Variants in ADAMTS9 observed in about 807,000 individuals in gnomAD.
ADAMTS9 encodes the protein A disintegrin and metalloproteinase with thrombospondin motifs 9.
A neutral mutation model predicts 257.1 loss-of-function variants in ADAMTS9; 107 were observed. The ratio of observed to expected loss-of-function variants is 0.42; its 90% CI spans 0.36 to 0.49. ADAMTS9 has a LOEUF of 0.49. ADAMTS9 is among the 20% of genes least tolerant of loss of function. The pLI is 0.03. For missense variants in ADAMTS9, 2,353 were observed against 2,469.1 expected, an observed-to-expected ratio of 0.95 and a Z score of 1.00; for synonymous variants, 982 against 880.9, an observed-to-expected ratio of 1.11 and a Z score of -2.03.
intron 28 of ADAMTS9, among the ~76,000 whole-genome samples, chr3:64,590,958 T>C (rs895026010): frequency 2.0e-5 from 3 of 152,192 alleles, no homozygotes; most frequent in Non-Finnish European, 4.4e-5. Flanking sequence ...AGACTTTTAA[T>C]CTGTGATTAT....
intron 3 of ADAMTS9, among the ~76,000 whole-genome samples, chr3:64,679,812 G>A (rs1576188815): frequency 6.6e-6 from 1 of 152,182 alleles, no homozygotes. Context: ...GGTCTTACTA[G>A]CACGGTCAAA....
At chr3:64,649,984 T>A in intron 9 of ADAMTS9, 1 of 555,164 alleles carries the variant, frequency 1.8e-6, no homozygotes, top group Non-Finnish European at 3.1e-6. Flanking sequence ...ATGCAATGAA[T>A]ACAACATAGC....
At chr3:64,628,559 T>G (rs577796648) in intron 16 of ADAMTS9, among the ~76,000 whole-genome samples, 5 of 152,010 alleles carry the variant, frequency 3.3e-5, no homozygotes. Flanking sequence ...ATTCTGCAGC[T>G]GTGCAAGGAG....
In ADAMTS9 at chr3:64,607,094, A is replaced by G; in HGVS notation, c.3355-15T>C. 6.2e-7 allele frequency: 1 copy of G among 1,613,128 alleles called. No individual in the cohort carries two copies. Among genetic ancestry groups the G allele is most frequent in the Non-Finnish European group, 8.5e-7 (1 of 1,179,596 alleles). On this transcript the variant is annotated splice_polypyrimidine_tract_variant and intron_variant, in intron 22 of 39. Transcript: ENST00000498707. Reference sequence around the variant, plus strand: ...GTGACACTGCACTGGAAGAAGGAGGACAAAAGGTATATACAATTCAGCAAA... The same window carrying G: ...GTGACACTGCACTGGAAGAAGGAGGGCAAAAGGTATATACAATTCAGCAAA...
At chr3:64,600,492 T>A (rs2084440428) in intron 26 of ADAMTS9, among the ~76,000 whole-genome samples, 2 of 152,262 alleles carry the variant, frequency 1.3e-5, no homozygotes, top group Admixed American at 1.3e-4. Flanking sequence ...CTTAAAGGAA[T>A]GCATCATCCC....
chr3:64,565,043 A>G (rs751922132), intron 29 of ADAMTS9, among the ~76,000 whole-genome samples: 73 of 152,160 alleles, frequency 4.8e-4, no homozygotes, highest in Non-Finnish European at 8.7e-4. Flanking sequence ...TGTGGGTGAG[A>G]GGCCTGTCTT....
chr3:64,591,781 C>T (rs1265584685), intron 28 of ADAMTS9, among the ~76,000 whole-genome samples: 1 of 152,198 alleles, frequency 6.6e-6, no homozygotes, highest in Non-Finnish European at 1.5e-5. Context: ...TGCTTCTTGA[C>T]ATCATCTAAT....
At chr3:64,579,412 C>T (rs778298556) in intron 28 of ADAMTS9, among the ~76,000 whole-genome samples, 4 of 152,160 alleles carry the variant, frequency 2.6e-5, no homozygotes, top group Non-Finnish European at 5.9e-5. Context: ...TTCTCACCTA[C>T]TCTTCTACGC....
chr3:64,615,297 G>T, intron 21 of ADAMTS9, 24 bp downstream of exon 21: 1 of 1,610,520 alleles, frequency 6.2e-7, no homozygotes, highest in Non-Finnish European at 8.5e-7. Context: ...TGACCTAGGG[G>T]AAATAACAGC....
intron 12 of ADAMTS9, among the ~76,000 whole-genome samples, chr3:64,638,540 C>G (rs561621071): frequency 6.6e-6 from 1 of 152,148 alleles, no homozygotes; most frequent in Non-Finnish European, 1.5e-5. Flanking sequence ...GAACAAGGGA[C>G]TGTCCTTGTA....
At position 64,550,995 on chromosome 3, in the gene ADAMTS9, T is replaced by A; in HGVS notation, c.4766A>T (p.Glu1589Val). Residue 1589 changes from glutamate (E) to valine (V), a missense_variant, in exon 31 of 40, where the codon GAG (glutamate) becomes GTG (valine). Around this residue, in one of 3 missense-constraint regions of ADAMTS9, gnomAD observed 1,402 missense variants for 1,441.4 expected, o/e 0.97. Coordinates refer to ENST00000498707, the MANE Select transcript of ADAMTS9 (RefSeq NM_182920.2). ...CACGTCACAGCGTGCCCCATGCACC[T>A]CGTTTTTGTTGTCATCCACACACAC... ...KVVCVDDNKN[E>V]VHGARCDVSK... 6.2e-7 allele frequency: 1 copy of A among 1,614,058 alleles called. No homozygotes were observed. Among genetic ancestry groups the A allele is most frequent in the Non-Finnish European group, 8.5e-7 (1 of 1,179,958 alleles).
intron 19 of ADAMTS9, among the ~76,000 whole-genome samples, chr3:64,618,562 C>T (rs552149434): frequency 9.2e-5 from 14 of 152,246 alleles, no homozygotes; most frequent in South Asian, 4.1e-4. Context: ...ACCCTAGTTG[C>T]GTGCTTCACT....
intron 28 of ADAMTS9, among the ~76,000 whole-genome samples, chr3:64,574,176 A>C (rs1315846604): frequency 1.3e-5 from 2 of 152,228 alleles, no homozygotes; most frequent in South Asian, 4.1e-4. Flanking sequence ...AGATTCAAAA[A>C]GGCCACCCCA....
chr3:64,678,640 T>C (rs918710632), intron 3 of ADAMTS9, among the ~76,000 whole-genome samples: 3 of 152,192 alleles, frequency 2.0e-5, no homozygotes, highest in African/African-American at 7.2e-5. Flanking sequence ...TCTGAGTGGA[T>C]TGCTATTGCT....
Position 64,633,589 on chromosome 3 carries a change from G to A in ADAMTS9, c.2058C>T (p.Cys686=). Residue 686 remains cysteine (C), a synonymous_variant, in exon 14 of 40, where the codon TGC becomes TGT. Coordinates refer to ENST00000498707, the MANE Select transcript of ADAMTS9 (RefSeq NM_182920.2). ...KYSGILMKDR[C]KLFCRVAGNT... ...TCCCTGCCACTCTGCAGAACAACTT[G>A]CACCGGTCCTTCATCAGAACTAGAG... 2 of 1,614,044 alleles carry A rather than the reference G, an allele frequency of 1.2e-6. No individual in the cohort carries two copies. Among genetic ancestry groups the A allele is most frequent in the Non-Finnish European group, 1.7e-6 (2 of 1,179,998 alleles).
At chr3:64,570,223 T>C (rs1376737856) in intron 28 of ADAMTS9, among the ~76,000 whole-genome samples, 4 of 152,212 alleles carry the variant, frequency 2.6e-5, no homozygotes, top group Non-Finnish European at 4.4e-5. Context: ...ATAAACAAAA[T>C]TGACAAGTCT....
At position 64,633,773 on chromosome 3, in the gene ADAMTS9, C is replaced by T. The variant is rs199826405; in HGVS notation, c.1963G>A (p.Ala655Thr). Residue 655 changes from alanine (A) to threonine (T), a missense_variant, in exon 13 of 40, where the codon GCT becomes ACT. Ala to Thr is a moderately conservative substitution (Grantham distance 58). Around this residue, in one of 3 missense-constraint regions of ADAMTS9, gnomAD observed 360 missense variants for 458.1 expected, o/e 0.79. Coordinates refer to ENST00000498707, the MANE Select transcript of ADAMTS9 (RefSeq NM_182920.2). Reference sequence around the variant, plus strand: ...TTAAAATGCTTCCCGTCAAAGTGAGCACACTGTTCATCTCGGAAGTCTCGC... The same window carrying T: ...TTAAAATGCTTCCCGTCAAAGTGAGTACACTGTTCATCTCGGAAGTCTCGC... Reference protein sequence around the residue: ...QKRDFRDEQCAHFDGKHFNIN... With the variant: ...QKRDFRDEQCTHFDGKHFNIN... 1.5e-5 allele frequency: 25 copies of T among 1,613,490 alleles called. No individual in the cohort carries two copies. In the Admixed American group the frequency reaches 1.7e-4, roughly 11 times the overall value.
chr3:64,599,088 A>G (rs978684167), intron 26 of ADAMTS9, among the ~76,000 whole-genome samples: 5 of 152,276 alleles, frequency 3.3e-5, no homozygotes, highest in East Asian at 3.9e-4. Flanking sequence ...CGAGAATCCA[A>G]CTGAAGTGCT....
chr3:64,634,687 C>G (rs1700449350), intron 12 of ADAMTS9, among the ~76,000 whole-genome samples: 1 of 152,160 alleles, frequency 6.6e-6, no homozygotes, highest in Admixed American at 6.5e-5. Context: ...AGGAAGATCA[C>G]AGAATCGTAG....
Sources: allele counts gnomAD v4.1 joint callset (sites outside exome capture counted in the v4.1 genomes callset), GRCh38; gene constraint gnomAD v4.1.1; regional missense constraint gnomAD v4.1.1; transcripts MANE v1.5; gene names NCBI Gene and HGNC (gene_info 2026-07-23, HGNC 2026-07-21).